Variants in TNS2 observed in about 807,000 individuals in gnomAD.
The protein encoded by TNS2 is tensin 2.
Under a neutral mutation model 155.7 loss-of-function variants are expected in TNS2, and 77 were observed. The observed-to-expected ratio is 0.49, with a 90% CI of 0.41 to 0.60. The LOEUF is 0.60. Ranked by LOEUF, TNS2 falls within the 20% of genes least tolerant of loss-of-function variation. TNS2 has a pLI of 0.00. For missense variants in TNS2, 1,703 were observed against 1,868.8 expected, an observed-to-expected ratio of 0.91 and a Z score of 1.64; for synonymous variants, 726 against 763.9, an observed-to-expected ratio of 0.95 and a Z score of 0.82.
chr12:53,061,541 T>A, intron 21 of TNS2, 72 bp downstream of exon 21: 2 of 1,529,610 alleles, frequency 1.3e-6, no homozygotes, highest in Non-Finnish European at 1.8e-6. Flanking sequence ...TTAAGTCCCA[T>A]CCTGTTGAAG....
Position 53,062,926 on chromosome 12 carries a change from G to T in TNS2, c.3824-163G>T, listed in dbSNP as rs114495506. The T allele has an allele frequency of 2.9e-6, 3 of 1,044,080 alleles. No homozygotes were observed. The South Asian group carries it at 5.0e-5, about 17-fold the overall frequency. 64.7% of individuals were successfully genotyped at this position (1,044,080 alleles called of 1,614,324 possible). On this transcript the variant is annotated intron_variant, in intron 25 of 28. Coordinates refer to ENST00000314250, the MANE Select transcript of TNS2 (RefSeq NM_170754.4). ...GGTAGCAGGGAGGCTTCTCTGCCTC[G>T]CTTCTGACTGTAGATCCAGTAGAGT...
chr12:53,050,001 A>G (rs1292110705), upstream of TNS2: 3 of 1,376,554 alleles, frequency 2.2e-6, no homozygotes, highest in Non-Finnish European at 2.9e-6. The surrounding 1 kb of genome is among the most constrained non-coding windows in gnomAD (Gnocchi z 4.7). Flanking sequence ...TGGAGCAGCG[A>G]CCTGCCCCCT....
intron 17 of TNS2, 98 bp downstream of exon 17, chr12:53,058,925 C>A (rs1481552954): frequency 1.3e-6 from 2 of 1,560,782 alleles, no homozygotes; most frequent in Non-Finnish European, 1.7e-6. Flanking sequence ...CCAGGCAGAG[C>A]CCACTCCCGA....
chr12:53,063,833 G>A lies in TNS2; in HGVS notation c.4181G>A (p.Gly1394Asp). 1 of 1,614,134 alleles carries A rather than the reference G, an allele frequency of 6.2e-7. No homozygotes were observed. The highest frequency in any genetic ancestry group is 8.5e-7 in the Non-Finnish European group (1 of 1,180,020). The stretch of plus-strand genomic sequence containing the variant: ...GAGCTTGACCCAGATCAGCCTGCTG[G>A]CGCCATTGTCACCTTCATCACCAAA... The part of the protein sequence containing the change: ...FAELDPDQPA[G>D]AIVTFITKVL... The change falls in exon 29 of 29, where the codon GGC becomes GAC. Residue 1394 changes from glycine (G) to aspartate (D), a missense_variant. Physicochemically the swap from Gly to Asp is moderately conservative, Grantham distance 94. Coordinates refer to ENST00000314250, the MANE Select transcript of TNS2 (RefSeq NM_170754.4). This position sits in a 1 kb window ranked among gnomAD's most constrained non-coding sequence, Gnocchi z 5.6.
chr12:53,050,044 G>C, upstream of TNS2: 1 of 1,475,174 alleles, frequency 6.8e-7, no homozygotes. The surrounding 1 kb of genome is among the most constrained non-coding windows in gnomAD (Gnocchi z 4.7). Context: ...TTCCAGGGCC[G>C]GGCTTCTCCT....
chr12:53,060,037 G>A lies in TNS2; in HGVS notation c.2396G>A (p.Cys799Tyr), dbSNP rs111897756. Residue 799 changes from cysteine to tyrosine, a missense_variant, in exon 18 of 29, where the codon TGC becomes TAC. Coordinates refer to ENST00000314250, the MANE Select transcript of TNS2 (RefSeq NM_170754.4). The surrounding 1 kb of genome is among the most constrained non-coding windows in gnomAD (Gnocchi z 6.1). The stretch of plus-strand genomic sequence containing the variant: ...TATGGAGGAGCAGTTCCCAGTTACT[G>A]CCCAGCATATGGCCGTGTGCCTCAT... ...YSYGGAVPSY[C>Y]PAYGRVPHSC... is the part of the protein sequence containing the mutation. 3.2e-5 allele frequency: 52 copies of A among 1,613,558 alleles called. 1 individual carries two copies. The African/African-American group carries it at 5.5e-4, about 17-fold the overall frequency.
At chr12:53,052,779 G>A (rs1943985773) in intron 3 of TNS2, among the ~76,000 whole-genome samples, 1 of 114,026 alleles carries the variant, frequency 8.8e-6, no homozygotes, top group African/African-American at 3.2e-5. Flanking sequence ...AAGAGGAGGA[G>A]AATGAGGAGG....
chr12:53,054,380 A>C lies in TNS2; in HGVS notation c.461A>C (p.His154Pro), dbSNP rs1345886316. The change falls in exon 7 of 29, where the codon CAC becomes CCC. Residue 154 changes from histidine to proline, a missense_variant. His to Pro is a moderately conservative substitution (Grantham distance 77). Coordinates refer to ENST00000314250, the MANE Select transcript of TNS2 (RefSeq NM_170754.4). ...CCCGCGCGGCCCGATGAACAGCGGCACCGGGGCCACCTGCGCGAGCTGGCC... is the reference window on the plus strand; with the variant it reads ...CCCGCGCGGCCCGATGAACAGCGGCCCCGGGGCCACCTGCGCGAGCTGGCC... ...AFPARPDEQR[H>P]RGHLRELAHV... 1 of 1,611,480 alleles carries C rather than the reference A, an allele frequency of 6.2e-7. No individual in the cohort carries two copies. Among genetic ancestry groups the C allele is most frequent in the Admixed American group, 1.7e-5 (1 of 59,272 alleles).
chr12:53,054,618 T>A (rs1396552165), intron 7 of TNS2, among the ~76,000 whole-genome samples, 177 bp downstream of exon 7: 1 of 152,246 alleles, frequency 6.6e-6, no homozygotes, highest in Non-Finnish European at 1.5e-5. Flanking sequence ...CCTGGAACGC[T>A]GGCGACTTGG....
At position 53,054,273 on chromosome 12, in the gene TNS2, C is replaced by T; in HGVS notation, c.354C>T (p.Ser118=). Reference sequence around the variant, plus strand: ...TGCGTAGGCTCCTCCTCCCCAGGAGCTTCAGCCTGGACCCGCTCATGGAGC... The same window carrying T: ...TGCGTAGGCTCCTCCTCCCCAGGAGTTTCAGCCTGGACCCGCTCATGGAGC... ...HSKQRSTLPR[S]FSLDPLMERR... Residue 118 remains serine, a synonymous_variant, in exon 7 of 29, where the codon AGC becomes AGT. Transcript: ENST00000314250. 1.2e-6 allele frequency: 2 copies of T among 1,612,860 alleles called. No homozygotes were observed. Among genetic ancestry groups the T allele is most frequent in the East Asian group, 2.2e-5 (1 of 44,878 alleles).
chr12:53,050,070 G>A lies in TNS2; in HGVS notation c.-116G>A. On this transcript the variant is annotated 5_prime_UTR_variant, in exon 1 of 29. Transcript: ENST00000314250. This position sits in a 1 kb window ranked among gnomAD's most constrained non-coding sequence, Gnocchi z 4.7. The stretch of plus-strand genomic sequence containing the variant: ...GGCTTCTCCTCACACCAGCCAGACA[G>A]CCTACCCTCCGCCCAGGGGAAGCGG... 1.3e-6 allele frequency: 2 copies of A among 1,527,518 alleles called. No homozygotes were observed. Among genetic ancestry groups the A allele is most frequent in the South Asian group, 2.4e-5 (2 of 82,098 alleles). The allele number at this position is 1,527,518 out of a possible 1,614,324, so 94.6% of individuals were successfully genotyped here. A position where few individuals can be genotyped will look rare whatever the true frequency, so the allele number is the denominator to read the frequency against.
chr12:53,052,316 C>G, intron 2 of TNS2, 139 bp from the exon 3 acceptor site: 2 of 1,094,464 alleles, frequency 1.8e-6, no homozygotes. Flanking sequence ...CCCTGCTCCT[C>G]TGCCCCAGCC....
chr12:53,055,270 C>T (rs1436642525), intron 8 of TNS2, 34 bp downstream of exon 8: 1 of 1,608,240 alleles, frequency 6.2e-7, no homozygotes, highest in South Asian at 1.1e-5. Context: ...ACCATTAAAC[C>T]AAGCCACCCC....
chr12:53,061,814 G>A lies in TNS2; in HGVS notation c.3449-1G>A. On this transcript the variant is annotated splice_acceptor_variant, in intron 21 of 28. Transcript: ENST00000314250. LOFTEE classifies it high-confidence loss of function. The stretch of plus-strand genomic sequence containing the variant: ...ACTGCCCGCTACCCCTCACCCTGCA[G>A]CCATTGCCCTGCTGAAGGACAAGGA... 1 of 1,611,912 alleles carries A rather than the reference G, an allele frequency of 6.2e-7. No individual in the cohort carries two copies. Among genetic ancestry groups the A allele is most frequent in the African/African-American group, 1.3e-5 (1 of 75,014 alleles).
chr12:53,049,872 G>A (rs1035170618), upstream of TNS2: 3 of 451,442 alleles, frequency 6.6e-6, no homozygotes, highest in African/African-American at 4.0e-5. Context: ...CCAGGTGTGG[G>A]ACAACTCCAG....
rs73099917 is a variant in TNS2, at chr12:53,061,325, C to T, written c.3359-55C>T. 0.04 allele frequency: 63,717 copies of T among 1,612,158 alleles called. 1,479 individuals are homozygous for T. Among genetic ancestry groups the T allele is most frequent in the African/African-American group, 0.053 (3,996 of 75,014 alleles). On this transcript the variant is annotated intron_variant, in intron 20 of 28. Coordinates refer to ENST00000314250, the MANE Select transcript of TNS2 (RefSeq NM_170754.4). ...GAGAACCCTTTCTCCTGGGATGTAG[C>T]ATGGATGGGGACCCGGGTACCCTGG... is the stretch of plus-strand genomic sequence containing the variant.
upstream of TNS2, among the ~76,000 whole-genome samples, chr12:53,047,478 A>G (rs1458073538): frequency 1.7e-4 from 25 of 144,510 alleles, no homozygotes; most frequent in East Asian, 5.2e-3. Flanking sequence ...GGAGGTCGAG[A>G]GGGCGCGGGG....
Position 53,053,787 on chromosome 12 carries a change from C to T in TNS2, c.275C>T (p.Ala92Val), listed in dbSNP as rs143157473. ...LPPVELRRNTAPVRRIEHLGS... is the reference protein window; with the variant it reads ...LPPVELRRNTVPVRRIEHLGS... ...ATCTCCCTCTAGCGGCGAAACACGGCCCCAGTCAGGCGCATAGAGCACCTG... is the reference window on the plus strand; with the variant it reads ...ATCTCCCTCTAGCGGCGAAACACGGTCCCAGTCAGGCGCATAGAGCACCTG... Residue 92 changes from alanine (A) to valine (V), a missense_variant, in exon 5 of 29, where the codon GCC (alanine) becomes GTC (valine). Coordinates refer to ENST00000314250, the MANE Select transcript of TNS2 (RefSeq NM_170754.4). The T allele has an allele frequency of 1.2e-4, 189 of 1,611,830 alleles. No homozygotes were observed. In the African/African-American group the frequency reaches 1.7e-3, roughly 15 times the overall value.
chr12:53,049,964 C>G, upstream of TNS2: 3 of 1,132,728 alleles, frequency 2.6e-6, no homozygotes, highest in Non-Finnish European at 2.4e-6. Context: ...CTCCTGGCCT[C>G]CCCCACATCC....
Sources: gnomAD v4.1 joint callset for allele counts (sites outside exome capture counted in the v4.1 genomes callset) on GRCh38, gnomAD v4.1.1 for gene constraint, Gnocchi (gnomAD v3.1) non-coding constraint, MANE v1.5 for transcripts, NCBI Gene and HGNC (gene_info 2026-07-23, HGNC 2026-07-21) for gene names.